COL25A1: variants seen among roughly 807,000 people sequenced by gnomAD.
COL25A1 encodes the protein collagen alpha-1(XXV) chain.
Under a neutral mutation model 128.4 loss-of-function variants are expected in COL25A1, and 103 were observed. The ratio of observed to expected loss-of-function variants is 0.80; its 90% confidence interval spans 0.68 to 0.94. The LOEUF (loss-of-function observed/expected upper bound fraction) is 0.94. Among genes scored for constraint, COL25A1 ranks in the 40% least tolerant of loss-of-function variants. The pLI, the probability that COL25A1 is intolerant of heterozygous loss-of-function variation, is 0.00. For synonymous variants in COL25A1, 279 were observed against 277.2 expected, an observed-to-expected ratio of 1.01 and a Z score of -0.06; for missense variants, 745 against 840.0, an observed-to-expected ratio of 0.89 and a Z score of 1.40.
At chr4:109,085,217 C>T (rs779542274) in intron 3 of COL25A1, among the ~76,000 whole-genome samples, 6 of 152,148 alleles carry the variant, frequency 3.9e-5, no homozygotes, top group South Asian at 2.1e-4. Flanking sequence ...CTAAAGAGTC[C>T]GCTGAGCCCC....
intron 35 of COL25A1, chr4:108,823,909 A>G (rs1053765904): frequency 1.1e-5 from 15 of 1,389,312 alleles, no homozygotes; most frequent in South Asian, 1.8e-5. Flanking sequence ...TTTTCCATAA[A>G]TTGGTGTCAG....
intron 28 of COL25A1, 80 bp from the exon 29 acceptor site, chr4:108,845,331 C>A (rs1734962358): frequency 5.5e-6 from 6 of 1,083,548 alleles, no homozygotes; most frequent in Non-Finnish European, 7.2e-6. Flanking sequence ...TCCCCAAACC[C>A]ATTGTTCTCT....
chr4:109,065,551 T>TCAC (rs1560625255), intron 3 of COL25A1, among the ~76,000 whole-genome samples: 1 of 118,742 alleles, frequency 8.4e-6, no homozygotes, highest in African/African-American at 3.0e-5. Flanking sequence ...CGCGCGTGTG[T>TCAC]GTGTGTGTGT....
chr4:109,254,503 A>ATATATATATATATATATG, intron 3 of COL25A1, among the ~76,000 whole-genome samples: 1 of 113,924 alleles, frequency 8.8e-6, no homozygotes, highest in East Asian at 3.7e-4. Context: ...ATATATATAT[A>ATATATATATATATATATG]TATGTATGTG....
intron 13 of COL25A1, among the ~76,000 whole-genome samples, chr4:108,902,188 T>C (rs1358688227): frequency 6.6e-6 from 1 of 152,046 alleles, no homozygotes; most frequent in African/African-American, 2.4e-5. Flanking sequence ...TTCTGTCACT[T>C]TTATATTTGT....
rs76356850 is a variant in COL25A1, at chr4:108,963,016, G to T, written c.492+11351C>A. Among the ~76,000 whole-genome samples, 716 of 152,242 alleles carry T rather than the reference G, an allele frequency of 4.7e-3. 14 individuals are homozygous for T. In the East Asian group the frequency reaches 0.063, roughly 13 times the overall value. ...GGGGGCTGCTGGACACATTAGTGCA[G>T]GTATGCTTATGAAAGGATGCTGCTG... On this transcript the variant is annotated intron_variant, in intron 8 of 37. Coordinates refer to ENST00000399132, the MANE Select transcript of COL25A1 (RefSeq NM_198721.4).
At chr4:109,219,392 G>T (rs752478972) in intron 3 of COL25A1, among the ~76,000 whole-genome samples, 6 of 148,384 alleles carry the variant, frequency 4.0e-5, no homozygotes, top group Non-Finnish European at 9.0e-5. Flanking sequence ...CAGAGAATGA[G>T]TTTTTTTTTT....
At chr4:108,924,287 G>A (rs928420552) in intron 11 of COL25A1, among the ~76,000 whole-genome samples, 1 of 152,082 alleles carries the variant, frequency 6.6e-6, no homozygotes, top group African/African-American at 2.4e-5. Flanking sequence ...AAACATCATG[G>A]AAAGTTATGC....
chr4:108,980,934 G>A (rs1010724506), intron 6 of COL25A1, among the ~76,000 whole-genome samples: 2 of 152,126 alleles, frequency 1.3e-5, no homozygotes, highest in African/African-American at 2.4e-5. Flanking sequence ...GGGAGGAAGC[G>A]GAATATCCCG....
chr4:109,232,939 T>C (rs1779249282), intron 3 of COL25A1, among the ~76,000 whole-genome samples: 1 of 152,194 alleles, frequency 6.6e-6, no homozygotes, highest in African/African-American at 2.4e-5. Context: ...ACAAGGATTC[T>C]GTTCTAAAAT....
intron 3 of COL25A1, among the ~76,000 whole-genome samples, chr4:109,298,952 A>T (rs1725249787): frequency 6.6e-6 from 1 of 152,190 alleles, no homozygotes; most frequent in Non-Finnish European, 1.5e-5. Flanking sequence ...ATCTAAGATA[A>T]TATACAGTAA....
chr4:108,862,054 G>A lies in COL25A1; in HGVS notation c.1197+447C>T, dbSNP rs141693320. 6.7e-4 allele frequency among the ~76,000 whole-genome samples: 102 copies of A among 152,234 alleles called. 1 individual carries two copies. In the East Asian group the frequency reaches 0.015, roughly 22 times the overall value. ...TGCTGACAGTATATATGTTATTGCA[G>A]ATAGTATAAAGAGTATGATATAGAG... On this transcript the variant is annotated intron_variant, in intron 22 of 37. Transcript: ENST00000399132.
intron 3 of COL25A1, among the ~76,000 whole-genome samples, chr4:109,071,438 T>C (rs1762966883): frequency 6.6e-6 from 1 of 152,064 alleles, no homozygotes. Context: ...AAAGCCAAAA[T>C]TGACAAATGG....
intron 3 of COL25A1, among the ~76,000 whole-genome samples, chr4:109,150,642 C>G (rs886882715): frequency 6.6e-6 from 1 of 152,046 alleles, no homozygotes; most frequent in Non-Finnish European, 1.5e-5. Context: ...GTGGGAAAAA[C>G]AACTTTTTCT....
intron 28 of COL25A1, among the ~76,000 whole-genome samples, chr4:108,845,664 A>G (rs769021823): frequency 4.6e-5 from 7 of 152,192 alleles, no homozygotes; most frequent in Non-Finnish European, 1.0e-4. Flanking sequence ...TGCATTTTTT[A>G]AAACAATTTT....
intron 6 of COL25A1, among the ~76,000 whole-genome samples, chr4:108,983,251 C>A (rs1246094391): frequency 6.6e-6 from 1 of 152,058 alleles, no homozygotes; most frequent in Non-Finnish European, 1.5e-5. Flanking sequence ...GACTTGGAAT[C>A]CTAAACATTC....
intron 18 of COL25A1, among the ~76,000 whole-genome samples, chr4:108,885,638 A>G (rs1740683597): frequency 1.3e-5 from 2 of 152,208 alleles, no homozygotes; most frequent in South Asian, 4.1e-4. Context: ...TGAGTTTAAG[A>G]GGATCCAGTA....
intron 3 of COL25A1, among the ~76,000 whole-genome samples, chr4:109,267,813 T>A (rs1369014057): frequency 6.6e-6 from 1 of 152,122 alleles, no homozygotes; most frequent in Non-Finnish European, 1.5e-5. Flanking sequence ...AAATCTGAAA[T>A]ACTTCAGGTC....
intron 3 of COL25A1, among the ~76,000 whole-genome samples, chr4:109,261,267 A>G (rs1781426266): frequency 1.3e-5 from 2 of 152,220 alleles, no homozygotes; most frequent in African/African-American, 4.8e-5. Flanking sequence ...CCATGCCTGT[A>G]ATCCCAGCAC....
Sources: gnomAD v4.1 joint callset for allele counts (sites outside exome capture counted in the v4.1 genomes callset) on GRCh38, gnomAD v4.1.1 for gene constraint, MANE v1.5 for transcripts, NCBI Gene and HGNC (gene_info 2026-07-23, HGNC 2026-07-21) for gene names.